Variants in SPON1 observed in about 807,000 individuals in gnomAD.
The protein encoded by SPON1 is spondin 1, also known as spondin-1.
In SPON1, 52 loss-of-function variants were observed where a neutral mutation model predicts 111.7. The observed-to-expected ratio is 0.47, with a 90% confidence interval of 0.37 to 0.59. The LOEUF (loss-of-function observed/expected upper bound fraction) is 0.59. SPON1 is among the 20% of genes least tolerant of loss of function. SPON1 has a pLI of 0.00. For missense variants in SPON1, 957 were observed against 1,068.5 expected, an observed-to-expected ratio of 0.90 and a Z score of 1.46; for synonymous variants, 410 against 395.8, an observed-to-expected ratio of 1.04 and a Z score of -0.43.
At chr11:14,116,548 G>A (rs1450664128) in intron 5 of SPON1, among the ~76,000 whole-genome samples, 1 of 152,076 alleles carries the variant, frequency 6.6e-6, no homozygotes, top group Non-Finnish European at 1.5e-5. Flanking sequence ...CTGTGGGTCT[G>A]TTTCAGGACT....
At chr11:14,077,230 A>G (rs1848924842) in intron 4 of SPON1, among the ~76,000 whole-genome samples, 1 of 152,196 alleles carries the variant, frequency 6.6e-6, no homozygotes, top group South Asian at 2.1e-4. Context: ...CCTGAAAATA[A>G]GGCTGTCCTC....
At chr11:14,084,506 C>A (rs187018621) in intron 5 of SPON1, among the ~76,000 whole-genome samples, 2 of 152,288 alleles carry the variant, frequency 1.3e-5, no homozygotes, top group East Asian at 3.9e-4. Context: ...GCATAGTATT[C>A]CATGGTGTAT....
At chr11:14,242,880 C>A (rs964309184) in intron 6 of SPON1, among the ~76,000 whole-genome samples, 1 of 152,226 alleles carries the variant, frequency 6.6e-6, no homozygotes, top group African/African-American at 2.4e-5. Context: ...ACCAGCAGGA[C>A]AGGCGTTGAG....
intron 1 of SPON1, among the ~76,000 whole-genome samples, chr11:13,980,664 A>G (rs1848137316): frequency 6.6e-6 from 1 of 152,218 alleles, no homozygotes; most frequent in South Asian, 2.1e-4. Context: ...GGAATTTGGA[A>G]GACTAAATGC....
chr11:14,147,793 A>AT (rs34000117), intron 6 of SPON1, among the ~76,000 whole-genome samples: 58,882 of 148,896 alleles, frequency 0.4, 11,834 homozygotes, highest in East Asian at 0.54. Context: ...CAAAGGGCTA[A>AT]TTTTTTTTTG....
chr11:14,095,397 T>G (rs1363193436), intron 5 of SPON1, among the ~76,000 whole-genome samples: 1 of 146,830 alleles, frequency 6.8e-6, no homozygotes, highest in Non-Finnish European at 1.5e-5. Flanking sequence ...GATAGATAAA[T>G]GAGAGACTAG....
chr11:14,034,024 AT>A (rs56117671), intron 2 of SPON1, among the ~76,000 whole-genome samples: 11,626 of 152,306 alleles, frequency 0.076, 580 homozygotes, highest in Middle Eastern at 0.14. Flanking sequence ...TCCTTTAAAA[AT>A]ATTAAGCTGG....
chr11:14,164,797 T>C (rs1848008889), intron 6 of SPON1, among the ~76,000 whole-genome samples: 1 of 152,006 alleles, frequency 6.6e-6, no homozygotes, highest in African/African-American at 2.4e-5. Flanking sequence ...GGGGGGAAGC[T>C]AGTGAGCCAG....
At chr11:14,032,507 A>G (rs1330412567) in intron 2 of SPON1, among the ~76,000 whole-genome samples, 1 of 152,204 alleles carries the variant, frequency 6.6e-6, no homozygotes, top group Non-Finnish European at 1.5e-5. Context: ...AAGGGGAACC[A>G]CAACATACCG....
chr11:13,996,036 G>A (rs1554911766), intron 2 of SPON1, among the ~76,000 whole-genome samples: 1 of 151,660 alleles, frequency 6.6e-6, no homozygotes, highest in African/African-American at 2.4e-5. Context: ...AACTGGACAA[G>A]GAGTGAAGAG....
At chr11:14,199,532 G>C (rs1471078462) in intron 6 of SPON1, among the ~76,000 whole-genome samples, 1 of 151,688 alleles carries the variant, frequency 6.6e-6, no homozygotes, top group Non-Finnish European at 1.5e-5. Flanking sequence ...TTTTCTCCCT[G>C]TCTCCCATTC....
chr11:14,086,757 C>T (rs1306887840), intron 5 of SPON1, among the ~76,000 whole-genome samples: 1 of 152,214 alleles, frequency 6.6e-6, no homozygotes, highest in Non-Finnish European at 1.5e-5. Context: ...CAGAATTCAG[C>T]TGTGAATCCG....
chr11:14,255,209 A>C (rs559899184), intron 8 of SPON1, among the ~76,000 whole-genome samples: 1 of 152,370 alleles, frequency 6.6e-6, no homozygotes, highest in South Asian at 2.1e-4. Context: ...ACACTCCTCC[A>C]AGTACATATT....
intron 6 of SPON1, among the ~76,000 whole-genome samples, chr11:14,161,793 A>G (rs556276996): frequency 1.4e-3 from 214 of 152,286 alleles, no homozygotes; most frequent in Non-Finnish European, 2.1e-3. Flanking sequence ...CTTTTATACC[A>G]TCATAAAGTC....
chr11:13,984,326 TTG>T (rs1403931807), intron 2 of SPON1, among the ~76,000 whole-genome samples: 1 of 152,230 alleles, frequency 6.6e-6, no homozygotes, highest in African/African-American at 2.4e-5. Flanking sequence ...TTAGTCCATT[TTG>T]TGTTTCTCTA....
intron 2 of SPON1, among the ~76,000 whole-genome samples, chr11:14,031,660 AT>A (rs5789818): frequency 0.97 from 147,081 of 151,104 alleles, 71,685 homozygotes; most frequent in East Asian, 1. Flanking sequence ...ACAGTGGAGG[AT>A]TTTTTTTTTT....
At chr11:14,179,816 A>G (rs374552682) in intron 6 of SPON1, among the ~76,000 whole-genome samples, 1 of 152,068 alleles carries the variant, frequency 6.6e-6, no homozygotes, top group African/African-American at 2.4e-5. Context: ...AATCTCCTTT[A>G]TGATGCTAAT....
intron 2 of SPON1, among the ~76,000 whole-genome samples, chr11:14,029,089 A>G (rs534878998): frequency 6.6e-6 from 1 of 151,632 alleles, no homozygotes; most frequent in South Asian, 2.1e-4. Context: ...TTCTATTCTA[A>G]CTGAGGACTA....
intron 5 of SPON1, among the ~76,000 whole-genome samples, chr11:14,094,998 A>T (rs188146820): frequency 2.6e-5 from 4 of 152,352 alleles, no homozygotes; most frequent in Admixed American, 2.6e-4. Flanking sequence ...GAGGAGTAAG[A>T]GAGAGAAACA....
Sources: gnomAD v4.1 joint callset for allele counts (sites outside exome capture counted in the v4.1 genomes callset) on GRCh38, gnomAD v4.1.1 for gene constraint, MANE v1.5 for transcripts, NCBI Gene and HGNC (gene_info 2026-07-23, HGNC 2026-07-21) for gene names.